The following FMN2 variants were observed in gnomAD, a reference collection of about 807,000 sequenced individuals.
FMN2 encodes the protein formin 2.
FMN2 carries 51 observed loss-of-function variants against 142.3 expected under a neutral mutation model. That is an observed-to-expected ratio of 0.36 (90% CI 0.29 to 0.45). The LOEUF is 0.45. Among genes scored for constraint, FMN2 ranks in the 20% least tolerant of loss-of-function variants. The pLI, the probability that FMN2 is intolerant of heterozygous loss-of-function variation, is 1.00. For synonymous variants in FMN2, 882 were observed against 869.8 expected (o/e 1.01, Z -0.25); for missense variants, 1,936 against 2,122.8 (o/e 0.91, Z 1.73).
intron 7 of FMN2, among the ~76,000 whole-genome samples, chr1:240,281,462 T>A (rs1669393583): frequency 6.6e-6 from 1 of 152,194 alleles, no homozygotes; most frequent in Non-Finnish European, 1.5e-5. Flanking sequence ...CGTGTCTGTC[T>A]GGTTTATGCT....
intron 14 of FMN2, among the ~76,000 whole-genome samples, chr1:240,379,494 A>C (rs1412311279): frequency 6.6e-6 from 1 of 152,112 alleles, no homozygotes; most frequent in Non-Finnish European, 1.5e-5. Flanking sequence ...TAGTCATGTC[A>C]GCCTACCTAG....
At chr1:240,189,960 G>A (rs7544483) in intron 4 of FMN2, among the ~76,000 whole-genome samples, 32,835 of 151,982 alleles carry the variant, frequency 0.22, 3,682 homozygotes, top group Middle Eastern at 0.35. Context: ...TGTTCAGGAC[G>A]TATATGAATC....
At chr1:240,333,315 A>G (rs1046506010) in intron 11 of FMN2, among the ~76,000 whole-genome samples, 29 of 152,166 alleles carry the variant, frequency 1.9e-4, no homozygotes, top group African/African-American at 4.8e-5. Flanking sequence ...TTAACTCCTC[A>G]AATCTCAATT....
At chr1:240,098,900 T>C (rs554974747) in intron 1 of FMN2, among the ~76,000 whole-genome samples, 33 of 152,320 alleles carry the variant, frequency 2.2e-4, no homozygotes, top group African/African-American at 7.5e-4. Flanking sequence ...TTTTAGTGCT[T>C]TTCCTTCTGA....
At chr1:240,132,260 T>C (rs1662770681) in intron 2 of FMN2, among the ~76,000 whole-genome samples, 1 of 152,222 alleles carries the variant, frequency 6.6e-6, no homozygotes, top group African/African-American at 2.4e-5. Context: ...GCAAGGGAAC[T>C]GATATTGCTG....
intron 15 of FMN2, among the ~76,000 whole-genome samples, chr1:240,406,322 TGGGGGGA>T: frequency 1.3e-4 from 3 of 23,270 alleles, no homozygotes; most frequent in African/African-American, 3.0e-4. Flanking sequence ...GCCTCGGGAG[TGGGGGGA>T]GCGAAGGGAA....
chr1:240,239,244 A>G (rs1279085584), intron 6 of FMN2, among the ~76,000 whole-genome samples: 2 of 152,202 alleles, frequency 1.3e-5, no homozygotes, highest in Non-Finnish European at 2.9e-5. Context: ...AGGAATAATG[A>G]ATGATTTGGC....
chr1:240,365,026 A>G (rs1672615983), intron 14 of FMN2, among the ~76,000 whole-genome samples: 1 of 152,230 alleles, frequency 6.6e-6, no homozygotes, highest in Non-Finnish European at 1.5e-5. Flanking sequence ...ATACAGGACC[A>G]TAATGGAATG....
At chr1:240,265,591 A>G (rs1372572312) in intron 7 of FMN2, among the ~76,000 whole-genome samples, 3 of 152,150 alleles carry the variant, frequency 2.0e-5, no homozygotes, top group African/African-American at 7.2e-5. Flanking sequence ...TTTCAGAATT[A>G]TGAGAAAATA....
intron 8 of FMN2, among the ~76,000 whole-genome samples, chr1:240,319,550 T>C (rs10926214): frequency 0.38 from 58,464 of 152,080 alleles, 11,887 homozygotes; most frequent in African/African-American, 0.52. Flanking sequence ...ACAGATGTGG[T>C]ATACAACAAT....
chr1:240,300,916 TCCA>T, intron 8 of FMN2, among the ~76,000 whole-genome samples: 1 of 148,716 alleles, frequency 6.7e-6, no homozygotes, highest in Non-Finnish European at 1.5e-5. Flanking sequence ...TTTTTCCAAC[TCCA>T]TCTGTGTACT....
intron 6 of FMN2, among the ~76,000 whole-genome samples, chr1:240,213,706 ATTC>A (rs1369918710): frequency 2.6e-5 from 4 of 152,336 alleles, no homozygotes; most frequent in Admixed American, 1.3e-4. Context: ...ATTTCAAGCA[ATTC>A]TTCTTATATA....
intron 2 of FMN2, among the ~76,000 whole-genome samples, chr1:240,140,451 T>A (rs1663132112): frequency 6.6e-6 from 1 of 152,212 alleles, no homozygotes; most frequent in Non-Finnish European, 1.5e-5. Flanking sequence ...TTTTTGCATT[T>A]CTGGCTATCT....
intron 8 of FMN2, among the ~76,000 whole-genome samples, chr1:240,321,663 C>T (rs1384982290): frequency 6.6e-6 from 1 of 152,184 alleles, no homozygotes; most frequent in Non-Finnish European, 1.5e-5. Context: ...TTCCCAACTA[C>T]CTATCTGTAT....
At chr1:240,171,916 T>C (rs1476241487) in intron 2 of FMN2, among the ~76,000 whole-genome samples, 2 of 152,094 alleles carry the variant, frequency 1.3e-5, no homozygotes, top group African/African-American at 4.8e-5. Context: ...AATAGGAAGA[T>C]ACAATGTCAT....
chr1:240,366,401 C>A (rs1672670480), intron 14 of FMN2, among the ~76,000 whole-genome samples: 2 of 152,084 alleles, frequency 1.3e-5, no homozygotes, highest in Non-Finnish European at 2.9e-5. Flanking sequence ...ATAAGCATAC[C>A]CTGCTGCAAC....
chr1:240,334,209 A>G lies in FMN2; in HGVS notation c.4745A>G (p.Lys1582Arg). 6.2e-7 allele frequency: 1 copy of G among 1,601,598 alleles called. No homozygotes were observed. Among genetic ancestry groups the G allele is most frequent in the Non-Finnish European group, 8.5e-7 (1 of 1,176,834 alleles). The change falls in exon 13 of 18, where the codon AAA (lysine) becomes AGA (arginine). Residue 1582 changes from lysine to arginine, a missense_variant. Coordinates refer to ENST00000319653, the MANE Select transcript of FMN2 (RefSeq NM_020066.5). ...GAAGATTTTCAAAAAGATCTCAGAA[A>G]ACTGAAGAAAGACTTGAAAGGTAAC... is the stretch of plus-strand genomic sequence containing the variant. ...KFEDFQKDLR[K>R]LKKDLKACEV...
intron 2 of FMN2, among the ~76,000 whole-genome samples, chr1:240,145,692 T>G (rs1558319208): frequency 6.6e-6 from 1 of 151,844 alleles, no homozygotes; most frequent in East Asian, 1.9e-4. Flanking sequence ...ATATTTTTTG[T>G]AGAGACAGGT....
chr1:240,211,279 A>C (rs140097670), intron 6 of FMN2, 44 bp downstream of exon 6: 1 of 1,585,822 alleles, frequency 6.3e-7, no homozygotes, highest in Non-Finnish European at 8.6e-7. Context: ...TGTTTCTGGC[A>C]TAAGTGTGAA....
Sources: gnomAD v4.1 joint callset for allele counts (sites outside exome capture counted in the v4.1 genomes callset) on GRCh38, gnomAD v4.1.1 for gene constraint, MANE v1.5 for transcripts, NCBI Gene and HGNC (gene_info 2026-07-23, HGNC 2026-07-21) for gene names.